The following RANBP2 variants were observed in gnomAD, a reference collection of about 807,000 sequenced individuals.
RANBP2 encodes E3 SUMO-protein ligase RanBP2.
RANBP2 carries 57 observed loss-of-function variants against 303.6 expected under a neutral mutation model. The ratio of observed to expected loss-of-function variants is 0.19; its 90% confidence interval spans 0.15 to 0.23. The LOEUF is 0.23. Ranked by LOEUF, RANBP2 falls within the 10% of genes least tolerant of loss-of-function variation. The probability of loss-of-function intolerance (pLI) is 1.00; values close to 1 mark genes in which losing one functional copy is unlikely to be tolerated. For synonymous variants in RANBP2, 1,167 were observed against 1,301.5 expected, an observed-to-expected ratio of 0.90 and a Z score of 2.23; for missense variants, 3,138 against 3,780.8, an observed-to-expected ratio of 0.83 and a Z score of 4.46.
the RANBP2 span, among the ~76,000 whole-genome samples, chr2:109,009,481 C>T: frequency 6.6e-6 from 1 of 151,934 alleles, no homozygotes; most frequent in African/African-American, 2.4e-5. Flanking sequence ...ATCTTACCAC[C>T]CAAGATTACC....
the RANBP2 span, among the ~76,000 whole-genome samples, chr2:109,313,213 C>G: frequency 3.9e-5 from 6 of 152,318 alleles, no homozygotes; most frequent in Non-Finnish European, 5.9e-5. Flanking sequence ...CTTGTCTATG[C>G]CAGCATCCTT....
chr2:108,889,893 A>C, the RANBP2 span, among the ~76,000 whole-genome samples: 1 of 152,044 alleles, frequency 6.6e-6, no homozygotes, highest in Non-Finnish European at 1.5e-5. Context: ...GGGTTTCTAT[A>C]GTGGTACCAT....
the RANBP2 span, chr2:109,371,825 G>C: frequency 1.4e-6 from 1 of 725,720 alleles, no homozygotes; most frequent in Non-Finnish European, 2.3e-6. Context: ...GCTGCTATGT[G>C]TGGGCTTTGA....
the RANBP2 span, among the ~76,000 whole-genome samples, chr2:109,317,179 A>AGTTTTCATCCTCT: frequency 0.31 from 47,151 of 151,534 alleles, 9,071 homozygotes; most frequent in African/African-American, 0.55. Context: ...TGTGGATGTA[A>AGTTTTCATCCTCT]GTTTTCATGG....
the RANBP2 span, chr2:108,856,823 CTTTG>C: frequency 2.9e-5 from 47 of 1,612,912 alleles, no homozygotes; most frequent in Non-Finnish European, 4.0e-5. Flanking sequence ...ATTTGATTCT[CTTTG>C]TTTGGACTTG....
At chr2:108,904,524 C>T in the RANBP2 span, among the ~76,000 whole-genome samples, 10,597 of 152,254 alleles carry the variant, frequency 0.07, 1,236 homozygotes, top group African/African-American at 0.24. Context: ...ATATTTATAG[C>T]ACCTTTATTC....
chr2:109,556,141 G>GA, the RANBP2 span, among the ~76,000 whole-genome samples: 1 of 152,172 alleles, frequency 6.6e-6, no homozygotes, highest in Non-Finnish European at 1.5e-5. Context: ...AACCAGCAGA[G>GA]AAAGGACTAT....
chr2:109,301,407 A>T, the RANBP2 span, among the ~76,000 whole-genome samples: 1 of 151,096 alleles, frequency 6.6e-6, no homozygotes, highest in Non-Finnish European at 1.5e-5. Context: ...CTGTGTATGA[A>T]CTCATGTAGT....
At chr2:109,153,112 A>G in the RANBP2 span, among the ~76,000 whole-genome samples, 1 of 152,162 alleles carries the variant, frequency 6.6e-6, no homozygotes, top group Non-Finnish European at 1.5e-5. Context: ...ACCCATTCCC[A>G]ATGGAGGGGG....
Position 108,766,117 on chromosome 2 carries a change from A to C in RANBP2, c.5578A>C (p.Lys1860Gln). The C allele has an allele frequency of 6.2e-7, 1 of 1,613,996 alleles. No individual in the cohort carries two copies. The highest frequency in any genetic ancestry group is 8.5e-7 in the Non-Finnish European group (1 of 1,180,008). The change falls in exon 20 of 29, where the codon AAA becomes CAA. Residue 1860 changes from lysine (K) to glutamine (Q), a missense_variant. By Grantham distance (53) the Lys-to-Gln change is moderately conservative. Around this residue, in one of 20 missense-constraint regions of RANBP2, gnomAD observed 348 missense variants for 360.4 expected, o/e 0.97. Transcript: ENST00000283195. ...SKFGNTEQGF[K>Q]FGHVDQENSP... ...GTTTGGCAATACAGAGCAAGGATTC[A>C]AATTTGGGCATGTGGATCAAGAAAA... is the stretch of plus-strand genomic sequence containing the variant.
chr2:109,681,120 G>T, the RANBP2 span, among the ~76,000 whole-genome samples: 1 of 152,200 alleles, frequency 6.6e-6, no homozygotes, highest in Non-Finnish European at 1.5e-5. Context: ...CAGTCTTCTC[G>T]ATGCGGAGGA....
chr2:108,808,196 TAAAG>T, the RANBP2 span, among the ~76,000 whole-genome samples: 2 of 152,170 alleles, frequency 1.3e-5, no homozygotes, highest in Non-Finnish European at 2.9e-5. Context: ...TGTGTATGTA[TAAAG>T]AAAATGTGGT....
Position 108,749,121 on chromosome 2 carries a change from A to C in RANBP2, c.1265A>C (p.Tyr422Ser), listed in dbSNP as rs749369348. 1.2e-6 allele frequency: 2 copies of C among 1,612,012 alleles called. No homozygotes were observed. Residue 422 changes from tyrosine (Y) to serine (S), a missense_variant, in exon 9 of 29, where the codon TAC becomes TCC. By Grantham distance (144) the Tyr-to-Ser change is moderately radical. This residue lies in a region of RANBP2 where 95 missense variants were observed against 86.4 expected (regional missense o/e 1.10). Transcript: ENST00000283195. ...REPELEDLTR[Y>S]DVGAIRAHNG... ...CCAGAGCTTGAAGATTTGACTAGATACGATGTTGGTAAGTTATATGTTTCA... is the reference window on the plus strand; with the variant it reads ...CCAGAGCTTGAAGATTTGACTAGATCCGATGTTGGTAAGTTATATGTTTCA...
the RANBP2 span, among the ~76,000 whole-genome samples, chr2:108,828,141 T>C: frequency 6.6e-6 from 1 of 152,302 alleles, no homozygotes; most frequent in South Asian, 2.1e-4. Context: ...GGTGGTTCTA[T>C]ACCATACTTC....
At chr2:109,128,356 GGCGGGCGCT>G in the RANBP2 span, 1 of 152,164 alleles carries the variant, frequency 6.6e-6, no homozygotes, top group African/African-American at 2.4e-5. Context: ...ACTGCGCCGC[GGCGGGCGCT>G]AGAGCCCCTC....
chr2:109,418,879 T>C, the RANBP2 span, among the ~76,000 whole-genome samples: 1 of 152,094 alleles, frequency 6.6e-6, no homozygotes, highest in South Asian at 2.1e-4. Flanking sequence ...GACTAAGGAT[T>C]CTCTATGTAG....
intron 1 of RANBP2, among the ~76,000 whole-genome samples, chr2:108,720,687 A>T (rs558354175): frequency 4.6e-5 from 7 of 152,274 alleles, no homozygotes; most frequent in Admixed American, 1.3e-4. Flanking sequence ...CATTTTAAAC[A>T]TTTAGGGTAT....
the RANBP2 span, among the ~76,000 whole-genome samples, chr2:109,497,297 TC>T: frequency 6.6e-6 from 1 of 152,304 alleles, no homozygotes; most frequent in Admixed American, 6.5e-5. Context: ...TCATTCGTCT[TC>T]CTGTGTTGGA....
At chr2:108,854,550 C>T in the RANBP2 span, among the ~76,000 whole-genome samples, 3 of 152,250 alleles carry the variant, frequency 2.0e-5, no homozygotes, top group African/African-American at 7.2e-5. Flanking sequence ...TACCTGAGAT[C>T]AGAATTGAGG....
Sources: gnomAD v4.1 joint callset for allele counts (sites outside exome capture counted in the v4.1 genomes callset) on GRCh38, gnomAD v4.1.1 for gene constraint, gnomAD v4.1.1 regional missense constraint, MANE v1.5 for transcripts, NCBI Gene and HGNC (gene_info 2026-07-23, HGNC 2026-07-21) for gene names.